Variants in MAPK10 observed in about 807,000 individuals in gnomAD.
The protein encoded by MAPK10 is JNK3 alpha protein kinase.
A neutral mutation model predicts 59.3 loss-of-function variants in MAPK10; 25 were observed. The ratio of observed to expected loss-of-function variants is 0.42; its 90% CI spans 0.31 to 0.59. MAPK10 has a LOEUF of 0.59. Ranked by LOEUF, MAPK10 falls within the 20% of genes least tolerant of loss-of-function variation. The probability of loss-of-function intolerance (pLI) is 0.15; values close to 1 mark genes in which losing one functional copy is unlikely to be tolerated. For synonymous variants in MAPK10, 190 were observed against 200.5 expected (o/e 0.95, Z 0.44); for missense variants, 351 against 568.9 (o/e 0.62, Z 3.90).
chr4:86,502,655 T>C (rs1755414973), intron 1 of MAPK10, among the ~76,000 whole-genome samples: 1 of 152,068 alleles, frequency 6.6e-6, no homozygotes, highest in Non-Finnish European at 1.5e-5. Context: ...CTCTCCTCCA[T>C]ATGTCAAATT....
chr4:86,476,689 G>A (rs1203862958), intron 1 of MAPK10, among the ~76,000 whole-genome samples: 4 of 152,132 alleles, frequency 2.6e-5, no homozygotes, highest in Non-Finnish European at 5.9e-5. Context: ...TCACCTTTAA[G>A]GTGTACAATA....
chr4:86,353,552 T>C (rs1292267664), intron 2 of MAPK10, among the ~76,000 whole-genome samples: 2 of 152,188 alleles, frequency 1.3e-5, no homozygotes, highest in Admixed American at 6.6e-5. Context: ...AAGCACAGTA[T>C]AGTGATGCTA....
At chr4:86,169,786 A>T (rs1238937212) in intron 3 of MAPK10, among the ~76,000 whole-genome samples, 1 of 151,942 alleles carries the variant, frequency 6.6e-6, no homozygotes, top group African/African-American at 2.4e-5. Flanking sequence ...GTTGAAATGA[A>T]GGAAAAAATG....
intron 4 of MAPK10, among the ~76,000 whole-genome samples, chr4:86,142,795 A>G (rs962516123): frequency 6.6e-6 from 1 of 152,172 alleles, no homozygotes. Context: ...ATGGTCTCCC[A>G]AGATCCATTC....
chr4:86,337,010 C>T (rs960832218), intron 2 of MAPK10, among the ~76,000 whole-genome samples: 2 of 151,962 alleles, frequency 1.3e-5, no homozygotes, highest in Admixed American at 1.3e-4. Context: ...AGGATGATCT[C>T]AATCTCCTGA....
chr4:86,373,776 G>A (rs1381883943), intron 1 of MAPK10, among the ~76,000 whole-genome samples: 1 of 152,182 alleles, frequency 6.6e-6, no homozygotes, highest in African/African-American at 2.4e-5. Flanking sequence ...AGATGATGTG[G>A]AGAAATAGGA....
intron 4 of MAPK10, chr4:86,127,653 C>T (rs962404602): frequency 5.9e-5 from 9 of 152,012 alleles, no homozygotes; most frequent in Admixed American, 5.9e-4. Context: ...CCTGCAACTT[C>T]CCTGCCTGGC....
At chr4:86,332,962 T>C (rs978534700) in intron 2 of MAPK10, among the ~76,000 whole-genome samples, 1 of 152,124 alleles carries the variant, frequency 6.6e-6, no homozygotes, top group African/African-American at 2.4e-5. Flanking sequence ...CGGAGTTTTG[T>C]TTGTTTGTTT....
intron 2 of MAPK10, among the ~76,000 whole-genome samples, chr4:86,210,865 A>T (rs553533118): frequency 6.6e-6 from 1 of 151,878 alleles, no homozygotes; most frequent in East Asian, 1.9e-4. Context: ...CATATTAACA[A>T]TAAAAATATT....
intron 3 of MAPK10, among the ~76,000 whole-genome samples, chr4:86,181,873 A>G (rs1433358417): frequency 6.6e-6 from 1 of 152,146 alleles, no homozygotes; most frequent in Admixed American, 6.6e-5. Context: ...CTGTGAATAT[A>G]TCTCCTGGTT....
chr4:86,549,197 A>T (rs1459451292), intron 1 of MAPK10, among the ~76,000 whole-genome samples: 1 of 152,232 alleles, frequency 6.6e-6, no homozygotes, highest in Non-Finnish European at 1.5e-5. Flanking sequence ...AGTTTCAATT[A>T]TTAAAAATAA....
intron 2 of MAPK10, among the ~76,000 whole-genome samples, chr4:86,280,579 T>C (rs1034416086): frequency 2.6e-5 from 4 of 151,974 alleles, no homozygotes; most frequent in Admixed American, 2.0e-4. Flanking sequence ...AACTACCATT[T>C]AATGGGATTA....
intron 2 of MAPK10, among the ~76,000 whole-genome samples, chr4:86,313,486 CA>C (rs2148874754): frequency 6.6e-6 from 1 of 152,134 alleles, no homozygotes; most frequent in South Asian, 2.1e-4. Flanking sequence ...ACCTATTCAA[CA>C]GAGGACTTAC....
chr4:86,421,494 T>C (rs1227722366), intron 1 of MAPK10, among the ~76,000 whole-genome samples: 2 of 152,164 alleles, frequency 1.3e-5, no homozygotes, highest in Non-Finnish European at 2.9e-5. Context: ...AGTGTCTTAG[T>C]GAGGATGATA....
At chr4:86,249,566 T>G (rs1156814064) in intron 2 of MAPK10, among the ~76,000 whole-genome samples, 2 of 152,110 alleles carry the variant, frequency 1.3e-5, no homozygotes, top group East Asian at 3.9e-4. Flanking sequence ...CCAGCCTCTA[T>G]AATGTAAGAA....
At chr4:86,305,429 G>A (rs1384700803) in intron 2 of MAPK10, among the ~76,000 whole-genome samples, 2 of 152,150 alleles carry the variant, frequency 1.3e-5, no homozygotes, top group Non-Finnish European at 2.9e-5. Context: ...TGATAGTCAT[G>A]TACTAGAATT....
At chr4:86,175,511 C>T (rs924137703) in intron 3 of MAPK10, among the ~76,000 whole-genome samples, 2 of 151,980 alleles carry the variant, frequency 1.3e-5, no homozygotes, top group Admixed American at 6.6e-5. Context: ...AACACCATTC[C>T]CTTTAGTGCT....
chr4:86,186,755 A>G (rs1460767), intron 3 of MAPK10, among the ~76,000 whole-genome samples: 118,994 of 152,072 alleles, frequency 0.78, 47,806 homozygotes, highest in African/African-American at 0.95. Flanking sequence ...GAGTAAAAGA[A>G]AGCACTGTCA....
rs1471040269 is a variant in MAPK10, at chr4:86,154,489, G to C, written c.236+4809C>G. On this transcript the variant is annotated intron_variant, in intron 4 of 13. Coordinates refer to ENST00000641462, the MANE Select transcript of MAPK10 (RefSeq NM_138982.4). ...TATACAATATACACAGTGTGATGAT[G>C]AAGCAACTGTTACCATCAGGCATTT... Among the ~76,000 whole-genome samples, 3 of 152,112 alleles carry C rather than the reference G, an allele frequency of 2.0e-5. No individual in the cohort carries two copies. The East Asian group carries it at 5.8e-4, about 29-fold the overall frequency.
Sources: gnomAD v4.1 joint callset for allele counts (sites outside exome capture counted in the v4.1 genomes callset) on GRCh38, gnomAD v4.1.1 for gene constraint, MANE v1.5 for transcripts, NCBI Gene and HGNC (gene_info 2026-07-23, HGNC 2026-07-21) for gene names.